Variants in TANC2 observed in about 807,000 individuals in gnomAD.
TANC2 encodes tetratricopeptide repeat, ankyrin repeat and coiled-coil containing 2, also known as protein TANC2.
Under a neutral mutation model 210.5 loss-of-function variants are expected in TANC2, and 26 were observed. The observed-to-expected ratio is 0.12, with a 90% CI of 0.09 to 0.17. TANC2 has a LOEUF of 0.17. TANC2 is among the 10% of genes least tolerant of loss of function. The pLI, the probability that TANC2 is intolerant of heterozygous loss-of-function variation, is 1.00. For missense variants in TANC2, 2,129 were observed against 2,608.9 expected, an observed-to-expected ratio of 0.82 and a Z score of 4.01; for synonymous variants, 931 against 967.1, an observed-to-expected ratio of 0.96 and a Z score of 0.69.
At chr17:63,297,342 C>T (rs572427025) in intron 9 of TANC2, among the ~76,000 whole-genome samples, 4 of 152,286 alleles carry the variant, frequency 2.6e-5, no homozygotes, top group South Asian at 4.1e-4. Flanking sequence ...AATCAAAACA[C>T]TGTGATACTG....
chr17:62,969,042 A>G (rs944926152), intron 1 of TANC2, among the ~76,000 whole-genome samples: 5 of 152,024 alleles, frequency 3.3e-5, no homozygotes, highest in Admixed American at 1.3e-4. Context: ...TCGGCCCTCA[A>G]TATACTCGGT....
chr17:63,206,410 T>C (rs2041712885), intron 7 of TANC2, among the ~76,000 whole-genome samples: 1 of 152,222 alleles, frequency 6.6e-6, no homozygotes, highest in Non-Finnish European at 1.5e-5. Context: ...CTGATGTTCA[T>C]AGTGGCATTT....
chr17:63,193,118 G>A (rs2041238218), intron 5 of TANC2, among the ~76,000 whole-genome samples: 1 of 152,088 alleles, frequency 6.6e-6, no homozygotes, highest in South Asian at 2.1e-4. Flanking sequence ...GGAATAAGAA[G>A]CTTTCAATTG....
rs370204533 is a variant in TANC2, at chr17:63,393,898, G to A, written c.3052-1845G>A. Among the ~76,000 whole-genome samples, 11 of 151,994 alleles carry A rather than the reference G, an allele frequency of 7.2e-5. No homozygotes were observed. The East Asian group carries it at 2.1e-3, about 29-fold the overall frequency. Reference sequence around the variant, plus strand: ...TGATTCTCCTGCCTCACCCTCCGGAGTAGCTGGGATTACAGGCACCCACCA... The same window carrying A: ...TGATTCTCCTGCCTCACCCTCCGGAATAGCTGGGATTACAGGCACCCACCA... On this transcript the variant is annotated intron_variant, in intron 17 of 27. Coordinates refer to ENST00000689528, the Ensembl canonical transcript of TANC2.
chr17:63,302,511 C>T (rs891801919), intron 9 of TANC2, among the ~76,000 whole-genome samples: 1 of 149,954 alleles, frequency 6.7e-6, no homozygotes, highest in Non-Finnish European at 1.5e-5. Context: ...GAACTGATCC[C>T]TTTACCATTA....
intron 7 of TANC2, among the ~76,000 whole-genome samples, chr17:63,215,836 A>G (rs1288470257): frequency 1.3e-5 from 2 of 151,350 alleles, no homozygotes; most frequent in African/African-American, 2.4e-5. Context: ...TGCAAGCTCC[A>G]CCTCCTGGGT....
chr17:63,089,336 G>A (rs1598381450), intron 3 of TANC2: 2 of 152,324 alleles, frequency 1.3e-5, no homozygotes, highest in East Asian at 1.9e-4. Flanking sequence ...ATATACAAAC[G>A]AGAGAAAGTC....
chr17:63,122,043 A>G (rs899235194), intron 4 of TANC2, among the ~76,000 whole-genome samples: 2 of 152,158 alleles, frequency 1.3e-5, no homozygotes, highest in Non-Finnish European at 2.9e-5. Flanking sequence ...TCAAGAGGCA[A>G]GGATGAAAAA....
chr17:63,211,534 G>C (rs978438552), intron 7 of TANC2, among the ~76,000 whole-genome samples: 2 of 151,940 alleles, frequency 1.3e-5, no homozygotes, highest in Non-Finnish European at 2.9e-5. Context: ...GCTGAGAAGT[G>C]TTCTGTCACC....
chr17:63,048,226 A>G (rs951142605), intron 2 of TANC2, among the ~76,000 whole-genome samples: 1 of 152,156 alleles, frequency 6.6e-6, no homozygotes, highest in Non-Finnish European at 1.5e-5. Context: ...ATGCCAAGGT[A>G]CCATATTTTG....
chr17:63,079,435 TC>T lies in TANC2; in HGVS notation c.139+5422del, dbSNP rs35034808. ...TTCTGAGTCTCAGATTGCTGGTTCA[TC>T]ATTCTTTCCAGGATTTTCAGTTATA... On this transcript the variant is annotated intron_variant, in intron 3 of 27. Coordinates refer to ENST00000689528, the Ensembl canonical transcript of TANC2. 3.8e-3 allele frequency among the ~76,000 whole-genome samples: 586 copies of T among 152,330 alleles called. 27 individuals carry two copies. In the East Asian group the frequency reaches 0.096, roughly 25 times the overall value.
chr17:63,032,830 T>G (rs1409501986), intron 2 of TANC2, among the ~76,000 whole-genome samples: 1 of 152,062 alleles, frequency 6.6e-6, no homozygotes, highest in Non-Finnish European at 1.5e-5. Flanking sequence ...GACTAGGAGT[T>G]AGTTAGACCC....
At position 63,355,395 on chromosome 17, in the gene TANC2, G is replaced by C. The variant is rs1356194218; in HGVS notation, c.2582+5G>C. 6.4e-7 allele frequency: 1 copy of C among 1,555,108 alleles called. No homozygotes were observed. The highest frequency in any genetic ancestry group is 2.2e-5 in the East Asian group (1 of 44,538). On this transcript the variant is annotated splice_donor_5th_base_variant and intron_variant, in intron 14 of 27. Coordinates refer to ENST00000689528, the Ensembl canonical transcript of TANC2. ...CAAATTTCTCTGTGATCCGAGGTAA[G>C]ACATATATCTGTGATAAACAATTCT...
intron 12 of TANC2, among the ~76,000 whole-genome samples, chr17:63,350,435 A>C (rs1320985224): frequency 6.6e-6 from 1 of 152,182 alleles, no homozygotes; most frequent in Non-Finnish European, 1.5e-5. Flanking sequence ...TTGAACCAAG[A>C]ATCAATAAGC....
At chr17:63,169,345 T>C (rs2040320858) in intron 5 of TANC2, among the ~76,000 whole-genome samples, 1 of 152,170 alleles carries the variant, frequency 6.6e-6, no homozygotes, top group Admixed American at 6.5e-5. Flanking sequence ...TTTGTAGAAA[T>C]AAATGAAGCT....
intron 14 of TANC2, among the ~76,000 whole-genome samples, chr17:63,371,066 A>G (rs924195655): frequency 6.6e-6 from 1 of 152,190 alleles, no homozygotes; most frequent in African/African-American, 2.4e-5. Context: ...ACAGCAGCAC[A>G]TATTATTTCC....
At chr17:63,167,744 G>C (rs1486673692) in intron 5 of TANC2, among the ~76,000 whole-genome samples, 1 of 151,684 alleles carries the variant, frequency 6.6e-6, no homozygotes, top group East Asian at 1.9e-4. Context: ...TTCAGGCCTG[G>C]CACAGTGGCT....
At chr17:63,392,668 GA>G (rs1297934104) in intron 17 of TANC2, among the ~76,000 whole-genome samples, 1 of 152,118 alleles carries the variant, frequency 6.6e-6, no homozygotes, top group Non-Finnish European at 1.5e-5. Context: ...GACTTTCAAA[GA>G]TACTGCAAAA....
At chr17:63,351,221 A>C in intron 12 of TANC2, 29 bp from the exon 13 acceptor site, 1 of 1,564,382 alleles carries the variant, frequency 6.4e-7, no homozygotes, top group Non-Finnish European at 8.7e-7. Context: ...CTTGGTAATT[A>C]TTAAGTAATG....
Sources: allele counts gnomAD v4.1 joint callset (sites outside exome capture counted in the v4.1 genomes callset), GRCh38; gene constraint gnomAD v4.1.1; transcripts MANE v1.5; gene names NCBI Gene and HGNC (gene_info 2026-07-23, HGNC 2026-07-21).